The following NXPE2 variants were observed in gnomAD, a reference collection of about 807,000 sequenced individuals.
The protein encoded by NXPE2 is NXPE family member 2.
NXPE2 carries 34 observed loss-of-function variants against 34.4 expected under a neutral mutation model. The ratio of observed to expected loss-of-function variants is 0.99; its 90% CI spans 0.75 to 1.31. The LOEUF (loss-of-function observed/expected upper bound fraction) is 1.31, where lower values mean the gene tolerates loss of function less well. Among genes scored for constraint, NXPE2 ranks in the 40% most tolerant of loss-of-function variants. The pLI is 0.00. For missense variants in NXPE2, 649 were observed against 672.5 expected (o/e 0.97, Z 0.39); for synonymous variants, 235 against 231.3 (o/e 1.02, Z -0.15).
At chr11:114,807,396 C>T in the NXPE2 span, among the ~76,000 whole-genome samples, 1 of 152,118 alleles carries the variant, frequency 6.6e-6, no homozygotes, top group Non-Finnish European at 1.5e-5. Flanking sequence ...CACAGACTGG[C>T]AAATTGGATA....
At chr11:114,614,011 A>G in the NXPE2 span, among the ~76,000 whole-genome samples, 1 of 151,734 alleles carries the variant, frequency 6.6e-6, no homozygotes, top group Non-Finnish European at 1.5e-5. Context: ...CCCAGTGGAA[A>G]ATAAGTATTG....
chr11:114,599,148 C>T, the NXPE2 span, among the ~76,000 whole-genome samples: 2 of 152,104 alleles, frequency 1.3e-5, no homozygotes, highest in African/African-American at 4.8e-5. Context: ...AAATTTCTTC[C>T]CCCAGATACC....
chr11:114,636,853 T>C, the NXPE2 span, among the ~76,000 whole-genome samples: 1 of 152,160 alleles, frequency 6.6e-6, no homozygotes, highest in Non-Finnish European at 1.5e-5. Context: ...TCTGTTCTTT[T>C]ACATTTTCTG....
chr11:114,500,637 T>A, the NXPE2 span, among the ~76,000 whole-genome samples: 1 of 152,162 alleles, frequency 6.6e-6, no homozygotes, highest in East Asian at 1.9e-4. Flanking sequence ...TTATCACTTT[T>A]TCTTCTATGG....
the NXPE2 span, among the ~76,000 whole-genome samples, chr11:114,735,782 T>C: frequency 6.6e-6 from 1 of 152,304 alleles, no homozygotes; most frequent in African/African-American, 2.4e-5. Context: ...TCTGTCTCTA[T>C]CTACTAGATC....
chr11:114,667,381 G>A, the NXPE2 span, among the ~76,000 whole-genome samples: 1 of 152,090 alleles, frequency 6.6e-6, no homozygotes, highest in South Asian at 2.1e-4. Flanking sequence ...TGAAGTAATA[G>A]ACTTCTAAAT....
At chr11:114,491,234 G>A in the NXPE2 span, among the ~76,000 whole-genome samples, 1 of 149,400 alleles carries the variant, frequency 6.7e-6, no homozygotes, top group African/African-American at 2.5e-5. Context: ...GCAACCTACA[G>A]AATGGGAGAA....
chr11:114,655,459 T>C, the NXPE2 span, among the ~76,000 whole-genome samples: 1 of 152,164 alleles, frequency 6.6e-6, no homozygotes, highest in African/African-American at 2.4e-5. Flanking sequence ...TGGTTTGAGG[T>C]TTTACATTTA....
chr11:114,609,931 A>G, the NXPE2 span, among the ~76,000 whole-genome samples: 1 of 151,878 alleles, frequency 6.6e-6, no homozygotes, highest in Non-Finnish European at 1.5e-5. Flanking sequence ...GTGGATAATA[A>G]GTGTTGCCTC....
At chr11:114,745,115 T>C in the NXPE2 span, among the ~76,000 whole-genome samples, 1 of 152,140 alleles carries the variant, frequency 6.6e-6, no homozygotes, top group Non-Finnish European at 1.5e-5. Context: ...TGTAAAATTG[T>C]TTGATGTATA....
At chr11:114,508,167 C>A in the NXPE2 span, among the ~76,000 whole-genome samples, 1 of 152,248 alleles carries the variant, frequency 6.6e-6, no homozygotes, top group Middle Eastern at 3.4e-3. Context: ...GAATAAAATA[C>A]CTACGAATAC....
At chr11:114,543,666 A>T in the NXPE2 span, among the ~76,000 whole-genome samples, 1 of 152,184 alleles carries the variant, frequency 6.6e-6, no homozygotes. Flanking sequence ...CTTCCCCAAT[A>T]TTGGAACCAG....
chr11:114,688,081 A>G (rs1951080699), intron 2 of NXPE2, among the ~76,000 whole-genome samples: 1 of 152,010 alleles, frequency 6.6e-6, no homozygotes, highest in South Asian at 2.1e-4. Context: ...GATGACTTTT[A>G]TTTTTTCCTC....
the NXPE2 span, among the ~76,000 whole-genome samples, chr11:114,620,807 G>A: frequency 6.6e-6 from 1 of 152,048 alleles, no homozygotes; most frequent in Non-Finnish European, 1.5e-5. Flanking sequence ...TTGCCTCAGG[G>A]GAACCACTGT....
the NXPE2 span, among the ~76,000 whole-genome samples, chr11:114,736,989 GC>G: frequency 6.6e-6 from 1 of 152,096 alleles, no homozygotes; most frequent in Non-Finnish European, 1.5e-5. Flanking sequence ...GTGATAACCT[GC>G]CAACCTCTGA....
the NXPE2 span, among the ~76,000 whole-genome samples, chr11:114,742,620 A>ATTTT: frequency 0.29 from 39,035 of 133,576 alleles, 7,004 homozygotes; most frequent in South Asian, 0.39. Context: ...TTATTCTTGG[A>ATTTT]TTTTTTTTTT....
At chr11:114,700,822 C>T (rs1259665370) in intron 3 of NXPE2, among the ~76,000 whole-genome samples, 1 of 151,998 alleles carries the variant, frequency 6.6e-6, no homozygotes, top group Non-Finnish European at 1.5e-5. Context: ...GGCCACAGAC[C>T]ACTTATTTTA....
chr11:114,530,255 G>A, the NXPE2 span: 1 of 1,613,958 alleles, frequency 6.2e-7, no homozygotes, highest in South Asian at 1.1e-5. Flanking sequence ...GAGCCTCACA[G>A]GGCATGTGTT....
chr11:114,511,541 C>T, the NXPE2 span, among the ~76,000 whole-genome samples: 1 of 152,220 alleles, frequency 6.6e-6, no homozygotes, highest in Non-Finnish European at 1.5e-5. Context: ...ATCAACTCAT[C>T]ATTTGTTCAG....
Sources: gnomAD v4.1 joint callset for allele counts (sites outside exome capture counted in the v4.1 genomes callset) on GRCh38, gnomAD v4.1.1 for gene constraint, MANE v1.5 for transcripts, NCBI Gene and HGNC (gene_info 2026-07-23, HGNC 2026-07-21) for gene names.